The following SCAPER variants were observed in gnomAD, a reference collection of about 807,000 sequenced individuals.
The protein encoded by SCAPER is S phase cyclin A-associated protein in the endoplasmic reticulum.
In SCAPER, 98 loss-of-function variants were observed where a neutral mutation model predicts 182.2. The ratio of observed to expected loss-of-function variants is 0.54; its 90% CI spans 0.46 to 0.64. The LOEUF (loss-of-function observed/expected upper bound fraction) is 0.64. Ranked by LOEUF, SCAPER falls within the 30% of genes least tolerant of loss-of-function variation. The pLI is 0.00. For synonymous variants in SCAPER, 605 were observed against 564.6 expected (o/e 1.07, Z -1.01); for missense variants, 1,432 against 1,690.0 (o/e 0.85, Z 2.68).
chr15:76,709,270 T>G (rs373658846), intron 17 of SCAPER, among the ~76,000 whole-genome samples: 33 of 152,240 alleles, frequency 2.2e-4, no homozygotes, highest in African/African-American at 7.9e-4. Context: ...TAGCTGGGAC[T>G]ACAGGCACGT....
chr15:76,803,950 A>G (rs1568188798), intron 6 of SCAPER, among the ~76,000 whole-genome samples: 1 of 152,168 alleles, frequency 6.6e-6, no homozygotes, highest in East Asian at 1.9e-4. Context: ...GGTGATTCCA[A>G]ATGAATCCTT....
chr15:76,696,314 A>G (rs2058654556), intron 20 of SCAPER, among the ~76,000 whole-genome samples: 1 of 152,128 alleles, frequency 6.6e-6, no homozygotes. Flanking sequence ...CCTAGTTTAA[A>G]ATTTATTTTC....
At chr15:76,637,742 A>ATGTGTGTGTG (rs55726181) in intron 21 of SCAPER, among the ~76,000 whole-genome samples, 1 of 105,844 alleles carries the variant, frequency 9.4e-6, no homozygotes, top group African/African-American at 3.8e-5. Flanking sequence ...ATATATATAT[A>ATGTGTGTGTG]TGTGTGTGTG....
intron 5 of SCAPER, among the ~76,000 whole-genome samples, chr15:76,823,195 A>G (rs982962112): frequency 6.6e-6 from 1 of 152,218 alleles, no homozygotes; most frequent in Non-Finnish European, 1.5e-5. Context: ...GCTGTGGCTC[A>G]TGCCTGTAAT....
rs2043039340 is a variant in SCAPER, at chr15:76,382,836, T to A, written c.3468-1221A>T. 2.0e-5 allele frequency among the ~76,000 whole-genome samples: 3 copies of A among 152,220 alleles called. No individual in the cohort carries two copies. In the East Asian group the frequency reaches 5.8e-4, roughly 29 times the overall value. On this transcript the variant is annotated intron_variant, in intron 27 of 31. Coordinates refer to ENST00000563290, the MANE Select transcript of SCAPER (RefSeq NM_020843.4). ...ATCACTTTTTCCTCTAGATGTAAGGTCTGGAGTTGCTATAGCCACTTGTAA... is the reference window on the plus strand; with the variant it reads ...ATCACTTTTTCCTCTAGATGTAAGGACTGGAGTTGCTATAGCCACTTGTAA...
intron 24 of SCAPER, among the ~76,000 whole-genome samples, chr15:76,479,928 T>C (rs558534441): frequency 6.6e-6 from 1 of 152,242 alleles, no homozygotes; most frequent in Non-Finnish European, 1.5e-5. Flanking sequence ...CTGTGCCAAG[T>C]AGGGATAGCA....
chr15:76,466,635 G>A (rs779409661), intron 25 of SCAPER, among the ~76,000 whole-genome samples: 11 of 150,882 alleles, frequency 7.3e-5, no homozygotes, highest in African/African-American at 1.2e-4. Flanking sequence ...TCTACGTCTC[G>A]AAAGCTTTGT....
intron 22 of SCAPER, among the ~76,000 whole-genome samples, chr15:76,618,440 A>G (rs1382889034): frequency 6.6e-6 from 1 of 152,124 alleles, no homozygotes; most frequent in Non-Finnish European, 1.5e-5. Flanking sequence ...GAATGATTTT[A>G]GATCTATGAA....
Position 76,507,004 on chromosome 15 carries a change from A to G in SCAPER, c.2839-2030T>C, listed in dbSNP as rs1597092227. Among the ~76,000 whole-genome samples the G allele has an allele frequency of 3.9e-5, 6 of 152,304 alleles. 1 individual carries two copies. The South Asian group carries it at 1.2e-3, about 32-fold the overall frequency. On this transcript the variant is annotated intron_variant, in intron 23 of 31. Coordinates refer to ENST00000563290, the MANE Select transcript of SCAPER (RefSeq NM_020843.4). Reference sequence around the variant, plus strand: ...ACACTGTATGTTTTTAAGCACAGGTAGAATCAATGCAATATATATGTAAAA... The same window carrying G: ...ACACTGTATGTTTTTAAGCACAGGTGGAATCAATGCAATATATATGTAAAA...
rs1344850972 is a variant in SCAPER at position 76,771,114 on chromosome 15, G to C, written c.1248+628C>G. 2.0e-5 allele frequency among the ~76,000 whole-genome samples: 3 copies of C among 152,000 alleles called. No homozygotes were observed. The East Asian group carries it at 5.8e-4, about 29-fold the overall frequency. On this transcript the variant is annotated intron_variant, in intron 10 of 31. Transcript: ENST00000563290. Reference sequence around the variant, plus strand: ...TAATTTTTCACAGCTTTTTATATGTGCCTATTTCTTTGGAAAGCTAGTTTT... The same window carrying C: ...TAATTTTTCACAGCTTTTTATATGTCCCTATTTCTTTGGAAAGCTAGTTTT...
chr15:76,607,343 C>T (rs1036436170), intron 22 of SCAPER, among the ~76,000 whole-genome samples: 3 of 152,214 alleles, frequency 2.0e-5, no homozygotes, highest in African/African-American at 7.2e-5. Context: ...TGAATACTGG[C>T]CCCCACTCTC....
At chr15:76,542,578 T>TA (rs200730763) in intron 23 of SCAPER, among the ~76,000 whole-genome samples, 1,712 of 148,884 alleles carry the variant, frequency 0.011, 38 homozygotes, top group African/African-American at 0.039. Context: ...TAAAATAAAA[T>TA]AAAAAAAAGA....
At chr15:76,735,835 T>TA (rs1310163600) in intron 15 of SCAPER, among the ~76,000 whole-genome samples, 5 of 150,598 alleles carry the variant, frequency 3.3e-5, no homozygotes, top group African/African-American at 1.2e-4. Context: ...GGAAAGATGA[T>TA]AAAACAACAT....
At chr15:76,655,064 C>CA (rs774499836) in intron 21 of SCAPER, among the ~76,000 whole-genome samples, 1 of 152,068 alleles carries the variant, frequency 6.6e-6, no homozygotes, top group Non-Finnish European at 1.5e-5. Flanking sequence ...GCTGAAATGA[C>CA]AGACACAGAA....
chr15:76,828,694 G>T (rs1216331358), intron 5 of SCAPER, among the ~76,000 whole-genome samples: 1 of 152,156 alleles, frequency 6.6e-6, no homozygotes, highest in Non-Finnish European at 1.5e-5. Context: ...AGATACAGAT[G>T]AAGAAACGAT....
At position 76,905,321 on chromosome 15, in the gene SCAPER, G is replaced by C. The variant is rs887905627; in HGVS notation, c.-82C>G. On this transcript the variant is annotated 5_prime_UTR_variant, in exon 1 of 32. Coordinates refer to ENST00000563290, the MANE Select transcript of SCAPER (RefSeq NM_020843.4). ...CACCCCCGACCGCCCTGCTTAGTTC[G>C]GGGCGGCTCAAAGCGTCCCGCCGGG... 3.5e-5 allele frequency: 9 copies of C among 256,784 alleles called. No homozygotes were observed. The highest frequency in any genetic ancestry group is 2.6e-4 in the Admixed American group (5 of 19,196). The allele number at this position is 256,784 out of a possible 1,614,324, so 15.9% of individuals were successfully genotyped here.
chr15:76,848,453 C>T (rs925449075), intron 4 of SCAPER, among the ~76,000 whole-genome samples: 2 of 151,864 alleles, frequency 1.3e-5, no homozygotes, highest in Non-Finnish European at 2.9e-5. Flanking sequence ...CCTGCCTCAG[C>T]CTCCCAAGTA....
intron 17 of SCAPER, among the ~76,000 whole-genome samples, chr15:76,723,515 A>T (rs1310992193): frequency 1.3e-5 from 2 of 152,058 alleles, no homozygotes; most frequent in Non-Finnish European, 2.9e-5. Flanking sequence ...TGATCTGTCT[A>T]ATGTTGACAG....
intron 1 of SCAPER, among the ~76,000 whole-genome samples, chr15:76,904,237 T>C (rs1280490962): frequency 6.6e-6 from 1 of 152,136 alleles, no homozygotes; most frequent in South Asian, 2.1e-4. Context: ...AGGCAAGTAA[T>C]AACCTTTTGA....
Sources: gnomAD v4.1 joint callset for allele counts (sites outside exome capture counted in the v4.1 genomes callset) on GRCh38, gnomAD v4.1.1 for gene constraint, MANE v1.5 for transcripts, NCBI Gene and HGNC (gene_info 2026-07-23, HGNC 2026-07-21) for gene names.